The following ADGRV1 variants were observed in gnomAD, a reference collection of about 807,000 sequenced individuals.
The protein encoded by ADGRV1 is G-protein coupled receptor 98.
Under a neutral mutation model 596.2 loss-of-function variants are expected in ADGRV1, and 359 were observed. That is an observed-to-expected ratio of 0.60 (90% CI 0.55 to 0.66). ADGRV1 has a LOEUF of 0.66. Ranked by LOEUF, ADGRV1 falls within the 30% of genes least tolerant of loss-of-function variation. The pLI is 0.00. For missense variants in ADGRV1, 7,274 were observed against 7,575.6 expected, an observed-to-expected ratio of 0.96 and a Z score of 1.48; for synonymous variants, 2,681 against 2,679.2, an observed-to-expected ratio of 1.00 and a Z score of -0.02.
At chr5:91,075,762 T>A (rs1788800573) in intron 86 of ADGRV1, among the ~76,000 whole-genome samples, 1 of 152,084 alleles carries the variant, frequency 6.6e-6, no homozygotes, top group South Asian at 2.1e-4. Context: ...TAAAGTGGAT[T>A]TTCTCATTCT....
chr5:90,596,438 C>A (rs1479330183), intron 1 of ADGRV1, among the ~76,000 whole-genome samples: 1 of 151,676 alleles, frequency 6.6e-6, no homozygotes, highest in Non-Finnish European at 1.5e-5. Context: ...CCAAGGCAGG[C>A]GGCTGGGAGG....
At chr5:90,821,986 T>G (rs1056752551) in intron 75 of ADGRV1, 1 of 159,596 alleles carries the variant, frequency 6.3e-6, no homozygotes, top group African/African-American at 2.4e-5. Flanking sequence ...TAAGCAAGCC[T>G]GGGCAATGGC....
intron 85 of ADGRV1, among the ~76,000 whole-genome samples, chr5:91,004,165 C>T (rs368352668): frequency 6.6e-6 from 1 of 151,978 alleles, no homozygotes; most frequent in African/African-American, 2.4e-5. Flanking sequence ...AAAAGACTTC[C>T]AACTATCAGA....
Position 90,674,203 on chromosome 5 carries a change from T to C in ADGRV1, c.5079T>C (p.Asp1693=). The C allele has an allele frequency of 6.2e-7, 1 of 1,610,976 alleles. No individual in the cohort carries two copies. The highest frequency in any genetic ancestry group is 8.5e-7 in the Non-Finnish European group (1 of 1,178,786). Reference sequence around the variant, plus strand: ...TAGATCCTGAAAAGGAAACGACTGATATCACCATCAAAGCTAGTGATCATC... The same window carrying C: ...TAGATCCTGAAAAGGAAACGACTGACATCACCATCAAAGCTAGTGATCATC... ...ASIDPEKETT[D]ITIKASDHPY... is the part of the protein sequence containing the mutation. The change falls in exon 23 of 90, where the codon GAT becomes GAC. Residue 1693 remains aspartate, a synonymous_variant. Transcript: ENST00000405460.
chr5:91,150,244 T>C (rs769206616), intron 88 of ADGRV1, 23 bp downstream of exon 88: 42 of 1,439,980 alleles, frequency 2.9e-5, no homozygotes, highest in Non-Finnish European at 3.7e-5. Context: ...GCCCTTTCAT[T>C]CTCTGTCTCT....
chr5:90,918,055 C>T (rs998317426), intron 83 of ADGRV1, among the ~76,000 whole-genome samples: 4 of 152,024 alleles, frequency 2.6e-5, no homozygotes, highest in Non-Finnish European at 5.9e-5. Flanking sequence ...ACACAACTAG[C>T]AAGAGCAGAA....
At chr5:90,686,709 T>C (rs563983778) in intron 29 of ADGRV1, among the ~76,000 whole-genome samples, 5 of 152,358 alleles carry the variant, frequency 3.3e-5, no homozygotes, top group African/African-American at 1.2e-4. Context: ...GCATGATTTA[T>C]AGTCCTTTGG....
rs1019616180 is a variant in ADGRV1, at chr5:90,628,211, C to A, written c.1239-351C>A. Among the ~76,000 whole-genome samples the A allele has an allele frequency of 1.0e-4, 6 of 58,058 alleles. No individual in the cohort carries two copies. In the East Asian group the frequency reaches 2.1e-3, roughly 21 times the overall value. 38.1% of individuals were successfully genotyped at this position (58,058 alleles called of 152,430 possible). On this transcript the variant is annotated intron_variant, in intron 7 of 89. Coordinates refer to ENST00000405460, the MANE Select transcript of ADGRV1 (RefSeq NM_032119.4). The stretch of plus-strand genomic sequence containing the variant: ...GACCAGCCTGGGCAACAAAGTGAGA[C>A]CCCGCCCACAAAATAAAATAAAATA...
intron 83 of ADGRV1, among the ~76,000 whole-genome samples, chr5:90,876,937 C>A (rs976963918): frequency 6.6e-6 from 1 of 152,106 alleles, no homozygotes; most frequent in Non-Finnish European, 1.5e-5. Context: ...ATAGTTTAGA[C>A]CCTCCAGTAA....
intron 85 of ADGRV1, among the ~76,000 whole-genome samples, chr5:91,010,629 A>G (rs951948348): frequency 6.6e-6 from 1 of 152,018 alleles, no homozygotes; most frequent in Non-Finnish European, 1.5e-5. Flanking sequence ...ATACAAAGAA[A>G]TTTTGTCTGA....
intron 52 of ADGRV1, among the ~76,000 whole-genome samples, chr5:90,746,773 T>G (rs1754676418): frequency 6.6e-6 from 1 of 152,198 alleles, no homozygotes; most frequent in Non-Finnish European, 1.5e-5. Context: ...AAATGGCTTA[T>G]GTCTCATTGT....
At chr5:90,990,540 A>G (rs2151069313) in intron 85 of ADGRV1, among the ~76,000 whole-genome samples, 1 of 152,282 alleles carries the variant, frequency 6.6e-6, no homozygotes, top group Non-Finnish European at 1.5e-5. Context: ...ATCTGACAGG[A>G]GGCAGACCTT....
intron 83 of ADGRV1, among the ~76,000 whole-genome samples, chr5:90,959,887 C>A (rs1338882077): frequency 1.3e-5 from 2 of 152,168 alleles, no homozygotes; most frequent in East Asian, 3.9e-4. Context: ...CGCCTGTAAT[C>A]CCAGCACTTT....
chr5:90,957,943 G>C (rs1777628122), intron 83 of ADGRV1, among the ~76,000 whole-genome samples: 1 of 151,754 alleles, frequency 6.6e-6, no homozygotes, highest in Non-Finnish European at 1.5e-5. Flanking sequence ...ACAACAGAAT[G>C]ATAGCTATCC....
chr5:91,035,862 T>TATATATATATATAATATATATA (rs1784849249), intron 85 of ADGRV1, among the ~76,000 whole-genome samples: 2 of 16,500 alleles, frequency 1.2e-4, no homozygotes, highest in Non-Finnish European at 5.5e-4. Flanking sequence ...ATATATATAT[T>TATATATATATATAATATATATA]ATATATATAT....
rs758821292 is a variant in ADGRV1 at position 90,907,043 on chromosome 5, C to CT, written c.17856+43190dup. Among the ~76,000 whole-genome samples, 35 of 152,274 alleles carry CT rather than the reference C, an allele frequency of 2.3e-4. No homozygotes were observed. In the East Asian group the frequency reaches 4.2e-3, roughly 18 times the overall value. On this transcript the variant is annotated intron_variant, in intron 83 of 89. Coordinates refer to ENST00000405460, the MANE Select transcript of ADGRV1 (RefSeq NM_032119.4). ...AGTACACCAGCACTTAATTGCCCATCTTTTCCAAGTTAAGATACATATATG... is the reference window on the plus strand; with the variant it reads ...AGTACACCAGCACTTAATTGCCCATCTTTTTCCAAGTTAAGATACATATATG...
At position 90,729,725 on chromosome 5, in the gene ADGRV1, G is replaced by C. The variant is rs776177921; in HGVS notation, c.10510G>C (p.Val3504Leu). 5.6e-6 allele frequency: 9 copies of C among 1,613,124 alleles called. No individual in the cohort carries two copies. The South Asian group carries it at 9.9e-5, about 18-fold the overall frequency. Residue 3504 changes from valine (V) to leucine (L), a missense_variant, in exon 50 of 90, where the codon GTT (valine) becomes CTT (leucine). Val to Leu is a conservative substitution (Grantham distance 32, BLOSUM62 1). Around this residue, in one of 5 missense-constraint regions of ADGRV1, gnomAD observed 3,643 missense variants for 3,809.2 expected, o/e 0.96. Coordinates refer to ENST00000405460, the MANE Select transcript of ADGRV1 (RefSeq NM_032119.4). ...TTTTCAGTCTGTAGATTTTGCTGCT[G>C]TTAACAGAATCCACTCCTTCACACC... ...RYFQSVDFAA[V>L]NRIHSFTPAS...
intron 85 of ADGRV1, among the ~76,000 whole-genome samples, chr5:90,993,169 T>TC (rs1206413256): frequency 3.9e-4 from 57 of 147,562 alleles, no homozygotes; most frequent in African/African-American, 1.4e-3. Flanking sequence ...TTTTTTTTTT[T>TC]TTTTTTTTTG....
intron 87 of ADGRV1, among the ~76,000 whole-genome samples, chr5:91,143,870 C>T (rs1795312579): frequency 6.6e-6 from 1 of 152,194 alleles, no homozygotes; most frequent in African/African-American, 2.4e-5. Flanking sequence ...CCCTCAGCCC[C>T]CCTCAGCCTC....
Sources: allele counts gnomAD v4.1 joint callset (sites outside exome capture counted in the v4.1 genomes callset), GRCh38; gene constraint gnomAD v4.1.1; regional missense constraint gnomAD v4.1.1; transcripts MANE v1.5; gene names NCBI Gene and HGNC (gene_info 2026-07-23, HGNC 2026-07-21).